Variants in SYCP2L observed in about 807,000 individuals in gnomAD.
SYCP2L encodes the protein synaptonemal complex protein 2-like.
In SYCP2L, 98 loss-of-function variants were observed where a neutral mutation model predicts 125.8. The observed-to-expected ratio is 0.78, with a 90% confidence interval of 0.66 to 0.92. The LOEUF (loss-of-function observed/expected upper bound fraction) is 0.92, where lower values mean the gene tolerates loss of function less well. Among genes scored for constraint, SYCP2L ranks in the 40% least tolerant of loss-of-function variants. The pLI, the probability that SYCP2L is intolerant of heterozygous loss-of-function variation, is 0.00. For synonymous variants in SYCP2L, 317 were observed against 325.4 expected (o/e 0.97, Z 0.28); for missense variants, 842 against 936.4 (o/e 0.90, Z 1.32).
chr6:10,932,217 A>G (rs1008749436), intron 20 of SYCP2L, among the ~76,000 whole-genome samples: 11 of 152,150 alleles, frequency 7.2e-5, no homozygotes, highest in Admixed American at 5.9e-4. Flanking sequence ...TCGGGCTTAT[A>G]TAAATATTGA....
intron 6 of SYCP2L, among the ~76,000 whole-genome samples, chr6:10,900,415 C>T (rs960726828): frequency 1.7e-4 from 25 of 151,456 alleles, no homozygotes; most frequent in African/African-American, 3.4e-4. Context: ...TGCAGTGGCA[C>T]GTTCTCAGCT....
At chr6:10,913,283 T>C (rs1054447494) in intron 14 of SYCP2L, among the ~76,000 whole-genome samples, 14 of 152,224 alleles carry the variant, frequency 9.2e-5, no homozygotes, top group African/African-American at 3.1e-4. Flanking sequence ...AGTTCCTCTC[T>C]TGATAAACCT....
At chr6:10,893,448 G>A (rs1780208170) in intron 2 of SYCP2L, among the ~76,000 whole-genome samples, 1 of 152,154 alleles carries the variant, frequency 6.6e-6, no homozygotes, top group Admixed American at 6.5e-5. Flanking sequence ...GTCACTTAGT[G>A]AGTGATCATA....
At chr6:10,961,662 T>C (rs1469824668) in intron 28 of SYCP2L, 104 bp downstream of exon 28, 3 of 1,131,202 alleles carry the variant, frequency 2.7e-6, no homozygotes, top group Admixed American at 1.9e-5. Flanking sequence ...CCATAACTAA[T>C]GAAATAGCTG....
chr6:10,903,443 G>A (rs1780423035), intron 8 of SYCP2L, among the ~76,000 whole-genome samples: 1 of 152,194 alleles, frequency 6.6e-6, no homozygotes, highest in South Asian at 2.1e-4. Context: ...AGCTACTCAG[G>A]AGGCTGAGGC....
At chr6:10,968,306 T>G (rs559407366) in intron 29 of SYCP2L, among the ~76,000 whole-genome samples, 120 of 152,310 alleles carry the variant, frequency 7.9e-4, no homozygotes, top group African/African-American at 2.7e-3. Context: ...TGAAAACGGA[T>G]GCTTCATGAC....
chr6:10,918,683 CGTG>C (rs1561687085), intron 14 of SYCP2L, among the ~76,000 whole-genome samples: 7 of 151,916 alleles, frequency 4.6e-5, no homozygotes, highest in African/African-American at 1.7e-4. Context: ...ATTACAGGCA[CGTG>C]CCACCATACC....
intron 14 of SYCP2L, among the ~76,000 whole-genome samples, chr6:10,921,297 T>A (rs777652050): frequency 1.3e-5 from 2 of 152,192 alleles, no homozygotes; most frequent in Non-Finnish European, 2.9e-5. Context: ...GAATTTAGAT[T>A]GATTCCATGT....
At chr6:10,949,395 C>T (rs1781369759) in intron 23 of SYCP2L, among the ~76,000 whole-genome samples, 1 of 152,066 alleles carries the variant, frequency 6.6e-6, no homozygotes, top group Admixed American at 6.5e-5. Context: ...AATGTAGTTT[C>T]CAAGCATATG....
chr6:10,899,584 G>A (rs1256624496), intron 6 of SYCP2L, among the ~76,000 whole-genome samples: 1 of 152,174 alleles, frequency 6.6e-6, no homozygotes, highest in Non-Finnish European at 1.5e-5. Context: ...TGATACCATG[G>A]ATTCAAAGAT....
rs966281708 is a variant in SYCP2L, at chr6:10,918,278, G to A, written c.1072+5351G>A. Among the ~76,000 whole-genome samples, 30 of 151,608 alleles carry A rather than the reference G, an allele frequency of 2.0e-4. 1 individual carries two copies. Among genetic ancestry groups the A allele is most frequent in the African/African-American group, 2.9e-4 (12 of 41,248 alleles). On this transcript the variant is annotated intron_variant, in intron 14 of 29. Coordinates refer to ENST00000283141, the MANE Select transcript of SYCP2L (RefSeq NM_001040274.3). ...ATGATCTTTTTGTGATGAATTTCCC[G>A]AGTGTTCTTTGTGCTTCTTGTATTT...
intron 23 of SYCP2L, among the ~76,000 whole-genome samples, chr6:10,947,300 A>G (rs1781332569): frequency 6.6e-6 from 1 of 152,024 alleles, no homozygotes; most frequent in Non-Finnish European, 1.5e-5. Flanking sequence ...ATAAATTTAG[A>G]CCAAGTTGAT....
At chr6:10,961,275 AATG>A in intron 26 of SYCP2L, 27 bp from the exon 27 acceptor site, 1 of 1,570,862 alleles carries the variant, frequency 6.4e-7, no homozygotes, top group Admixed American at 1.7e-5. Context: ...AAGCGATCCC[AATG>A]ATATTTACTG....
chr6:10,968,227 C>T (rs145523069), intron 29 of SYCP2L, among the ~76,000 whole-genome samples: 1 of 152,242 alleles, frequency 6.6e-6, no homozygotes, highest in African/African-American at 2.4e-5. Context: ...TTGGGGTGCA[C>T]ATAGCTGTGG....
At position 10,930,483 on chromosome 6, in the gene SYCP2L, A is replaced by G. The variant is rs1216155524; in HGVS notation, c.1602A>G (p.Arg534=). Residue 534 remains arginine, a synonymous_variant, in exon 19 of 30, where the codon AGA becomes AGG. Transcript: ENST00000283141. ...AATCCCTAAAATCATATTCCAGTAG[A>G]AAGAAGACAAGAACCAGAAGTAATT... ...KKKSLKSYSS[R]KKTRTRSNLR... 2 of 1,613,096 alleles carry G rather than the reference A, an allele frequency of 1.2e-6. No individual in the cohort carries two copies.
intron 29 of SYCP2L, among the ~76,000 whole-genome samples, chr6:10,966,078 A>C (rs1447951679): frequency 6.6e-6 from 1 of 152,144 alleles, no homozygotes; most frequent in Admixed American, 6.5e-5. Flanking sequence ...ATGCCACTGC[A>C]CTCCAGCCTG....
chr6:10,889,708 C>T lies in SYCP2L; in HGVS notation c.10-1805C>T, dbSNP rs147190661. Among the ~76,000 whole-genome samples, 7 of 151,124 alleles carry T rather than the reference C, an allele frequency of 4.6e-5. No individual in the cohort carries two copies. In the East Asian group the frequency reaches 7.8e-4, roughly 17 times the overall value. ...CAACCTTAGCTCATTGCAACCTCCG[C>T]GTCCCGGGTTCAAGCGATTCTCTTG... is the stretch of plus-strand genomic sequence containing the variant. On this transcript the variant is annotated intron_variant, in intron 1 of 29. Coordinates refer to ENST00000283141, the MANE Select transcript of SYCP2L (RefSeq NM_001040274.3).
At chr6:10,906,401 A>G (rs1439505658) in intron 9 of SYCP2L, among the ~76,000 whole-genome samples, 1 of 151,970 alleles carries the variant, frequency 6.6e-6, no homozygotes, top group African/African-American at 2.4e-5. Context: ...TTTCGTTCCC[A>G]AGCATATTTT....
intron 18 of SYCP2L, among the ~76,000 whole-genome samples, chr6:10,929,573 C>T (rs1040861915): frequency 1.2e-4 from 18 of 152,302 alleles, no homozygotes; most frequent in African/African-American, 4.1e-4. Context: ...AAAGATTAAA[C>T]TTGCCCTAAA....
Sources: allele counts gnomAD v4.1 joint callset (sites outside exome capture counted in the v4.1 genomes callset), GRCh38; gene constraint gnomAD v4.1.1; transcripts MANE v1.5; gene names NCBI Gene and HGNC (gene_info 2026-07-23, HGNC 2026-07-21).